The following GRM5 variants were observed in gnomAD, a reference collection of about 807,000 sequenced individuals.
GRM5 encodes metabotropic glutamate receptor 5.
Under a neutral mutation model 83.1 loss-of-function variants are expected in GRM5, and 19 were observed. The observed-to-expected ratio is 0.23, with a 90% CI of 0.16 to 0.34. The LOEUF is 0.34. Among genes scored for constraint, GRM5 ranks in the 10% least tolerant of loss-of-function variants. GRM5 has a pLI of 1.00. For missense variants in GRM5, 1,160 were observed against 1,588.3 expected, an observed-to-expected ratio of 0.73 and a Z score of 4.58; for synonymous variants, 675 against 633.6, an observed-to-expected ratio of 1.07 and a Z score of -0.98.
At chr11:88,842,889 A>G (rs1458271726) in intron 3 of GRM5, among the ~76,000 whole-genome samples, 4 of 152,178 alleles carry the variant, frequency 2.6e-5, no homozygotes, top group African/African-American at 4.8e-5. Flanking sequence ...TTTGAAATGT[A>G]CCTGAACTCC....
Position 88,508,216 on chromosome 11 carries a change from AAAC to A in GRM5, c.*373_*375del. 1 of 161,768 alleles carries A rather than the reference AAAC, an allele frequency of 6.2e-6. No homozygotes were observed. Among genetic ancestry groups the A allele is most frequent in the Non-Finnish European group, 1.3e-5 (1 of 74,494 alleles). 10.0% of individuals were successfully genotyped at this position (161,768 alleles called of 1,614,324 possible). On this transcript the variant is annotated 3_prime_UTR_variant, in exon 10 of 10. Coordinates refer to ENST00000305447, the MANE Select transcript of GRM5 (RefSeq NM_001143831.3). This position sits in a 1 kb window ranked among gnomAD's most constrained non-coding sequence, Gnocchi z 4.2. ...GGAAAAGAATTAAAGTAAACAAATAAAACTTTTTACAGTTGCTTATTAACTATG... is the reference window on the plus strand; with the variant it reads ...GGAAAAGAATTAAAGTAAACAAATAATTTTTACAGTTGCTTATTAACTATG...
At chr11:88,547,230 A>G (rs1942403465) in intron 8 of GRM5, among the ~76,000 whole-genome samples, 1 of 152,168 alleles carries the variant, frequency 6.6e-6, no homozygotes, top group African/African-American at 2.4e-5. Flanking sequence ...TTGATATAAA[A>G]GAAAGTGAGT....
chr11:88,824,696 G>T (rs1943864504), intron 3 of GRM5, among the ~76,000 whole-genome samples: 3 of 151,988 alleles, frequency 2.0e-5, no homozygotes. Context: ...CAAGTAGAAT[G>T]CTCACTTGCC....
intron 3 of GRM5, among the ~76,000 whole-genome samples, chr11:88,773,147 T>A (rs1942776088): frequency 2.6e-5 from 4 of 152,202 alleles, no homozygotes; most frequent in African/African-American, 9.7e-5. Context: ...CCATTCTAAC[T>A]GGCATGAGAT....
At chr11:88,832,063 C>A (rs533808524) in intron 3 of GRM5, among the ~76,000 whole-genome samples, 3 of 152,130 alleles carry the variant, frequency 2.0e-5, no homozygotes, top group Non-Finnish European at 4.4e-5. Context: ...ACCAATTGTA[C>A]CATAAGCTAC....
chr11:88,948,851 A>G (rs1938364581), intron 2 of GRM5, among the ~76,000 whole-genome samples: 1 of 152,232 alleles, frequency 6.6e-6, no homozygotes, highest in Admixed American at 6.5e-5. Flanking sequence ...TAATACAAAT[A>G]AGGAAGAAGA....
intron 2 of GRM5, among the ~76,000 whole-genome samples, chr11:89,007,268 T>C (rs541666322): frequency 6.6e-6 from 1 of 152,324 alleles, no homozygotes; most frequent in Admixed American, 6.5e-5. Context: ...AACCAGACCA[T>C]GACCCCAGGA....
At chr11:88,720,452 T>C (rs78238103) in intron 3 of GRM5, among the ~76,000 whole-genome samples, 295 of 152,176 alleles carry the variant, frequency 1.9e-3, no homozygotes, top group African/African-American at 6.6e-3. Flanking sequence ...TAACTTGAGA[T>C]AGGAGTTGCC....
chr11:88,712,113 GA>G (rs1430362086), intron 3 of GRM5, among the ~76,000 whole-genome samples: 1 of 152,008 alleles, frequency 6.6e-6, no homozygotes, highest in Non-Finnish European at 1.5e-5. Flanking sequence ...CTTGCAAGTC[GA>G]AAATCCTTCT....
At chr11:88,900,066 A>C (rs1945290972) in intron 2 of GRM5, among the ~76,000 whole-genome samples, 1 of 152,100 alleles carries the variant, frequency 6.6e-6, no homozygotes, top group Non-Finnish European at 1.5e-5. Context: ...TATATAAACA[A>C]CTCTGCTGGT....
At chr11:88,788,145 T>G (rs1943108318) in intron 3 of GRM5, among the ~76,000 whole-genome samples, 1 of 152,194 alleles carries the variant, frequency 6.6e-6, no homozygotes, top group African/African-American at 2.4e-5. Context: ...TATTCTTCTT[T>G]GCTCCTTAGA....
At chr11:88,611,912 G>A (rs1031840112) in intron 4 of GRM5, among the ~76,000 whole-genome samples, 12 of 151,394 alleles carry the variant, frequency 7.9e-5, no homozygotes, top group African/African-American at 2.4e-4. Flanking sequence ...ACAGATTTTG[G>A]TATGTTATGC....
chr11:89,045,816 A>G (rs1941629845), intron 2 of GRM5, among the ~76,000 whole-genome samples: 1 of 152,098 alleles, frequency 6.6e-6, no homozygotes, highest in South Asian at 2.1e-4. Context: ...TTTCAAGCAC[A>G]TTTTTACTTT....
At chr11:89,039,278 A>AAAAT (rs1555067424) in intron 2 of GRM5, among the ~76,000 whole-genome samples, 5 of 149,180 alleles carry the variant, frequency 3.4e-5, no homozygotes, top group African/African-American at 7.4e-5. Context: ...ATAAAAAAAA[A>AAAAT]ATATATATAT....
At chr11:88,852,730 A>C (rs1009842433) in intron 2 of GRM5, among the ~76,000 whole-genome samples, 3 of 152,142 alleles carry the variant, frequency 2.0e-5, no homozygotes, top group Middle Eastern at 3.2e-3. Context: ...CATGTGTGAC[A>C]TAAAAATTTT....
chr11:88,658,043 C>T (rs1034036153), intron 3 of GRM5, among the ~76,000 whole-genome samples: 2 of 152,138 alleles, frequency 1.3e-5, no homozygotes, highest in African/African-American at 4.8e-5. Context: ...TGTTCGGAAC[C>T]TGGCTGCACA....
intron 2 of GRM5, among the ~76,000 whole-genome samples, chr11:89,032,874 A>C (rs1449415882): frequency 6.6e-6 from 1 of 152,044 alleles, no homozygotes; most frequent in Non-Finnish European, 1.5e-5. Context: ...AACTTAATGA[A>C]TATTGTTAAT....
intron 3 of GRM5, among the ~76,000 whole-genome samples, chr11:88,765,142 C>T (rs186994320): frequency 6.6e-6 from 1 of 151,240 alleles, no homozygotes; most frequent in East Asian, 1.9e-4. Flanking sequence ...ACCTCCAAGA[C>T]TAAATCATAA....
chr11:89,052,683 A>G (rs7101540), intron 1 of GRM5, among the ~76,000 whole-genome samples: 1 of 152,058 alleles, frequency 6.6e-6, no homozygotes, highest in Admixed American at 6.6e-5. Context: ...AAATTCAGAT[A>G]CAGAATCTTT....
Sources: allele counts gnomAD v4.1 joint callset (sites outside exome capture counted in the v4.1 genomes callset), GRCh38; gene constraint gnomAD v4.1.1; non-coding constraint Gnocchi (gnomAD v3.1); transcripts MANE v1.5; gene names NCBI Gene and HGNC (gene_info 2026-07-23, HGNC 2026-07-21).